The following SH3GL3 variants were observed in gnomAD, a reference collection of about 807,000 sequenced individuals.
SH3GL3 encodes endophilin-A3.
SH3GL3 carries 33 observed loss-of-function variants against 47.7 expected under a neutral mutation model. That is an observed-to-expected ratio of 0.69 (90% confidence interval 0.52 to 0.92). The LOEUF (loss-of-function observed/expected upper bound fraction) is 0.92, where lower values mean the gene tolerates loss of function less well. Ranked by LOEUF, SH3GL3 falls within the 40% of genes least tolerant of loss-of-function variation. SH3GL3 has a pLI of 0.00. For missense variants in SH3GL3, 363 were observed against 417.8 expected (o/e 0.87, Z 1.14); for synonymous variants, 155 against 148.8 (o/e 1.04, Z -0.30).
At chr15:83,468,991 C>T (rs1420690746) in intron 1 of SH3GL3, among the ~76,000 whole-genome samples, 2 of 152,074 alleles carry the variant, frequency 1.3e-5, no homozygotes, top group African/African-American at 2.4e-5. Flanking sequence ...TCAAATTACA[C>T]GTTTAATGTC....
intron 7 of SH3GL3, among the ~76,000 whole-genome samples, chr15:83,588,059 G>A (rs1040365981): frequency 5.9e-5 from 9 of 152,310 alleles, no homozygotes; most frequent in Middle Eastern, 3.4e-3. Context: ...TGCCGACCGC[G>A]TCCCAGGCAC....
At chr15:83,458,128 T>C (rs1273700668) in intron 1 of SH3GL3, among the ~76,000 whole-genome samples, 1 of 152,194 alleles carries the variant, frequency 6.6e-6, no homozygotes, top group Non-Finnish European at 1.5e-5. Flanking sequence ...TTCGGCTAAA[T>C]AGTGAACATA....
intron 1 of SH3GL3, among the ~76,000 whole-genome samples, chr15:83,537,721 C>T (rs923555078): frequency 3.9e-5 from 6 of 152,094 alleles, no homozygotes; most frequent in Admixed American, 1.3e-4. Context: ...CAACTTTTAT[C>T]TTGGGAGCAG....
chr15:83,489,868 T>C (rs1440813466), intron 1 of SH3GL3, among the ~76,000 whole-genome samples: 4 of 151,150 alleles, frequency 2.6e-5, no homozygotes, highest in African/African-American at 7.4e-5. Flanking sequence ...GATAGATAGA[T>C]AGATAGATAG....
At chr15:83,615,071 A>G (rs2060777809) in intron 8 of SH3GL3, among the ~76,000 whole-genome samples, 1 of 151,986 alleles carries the variant, frequency 6.6e-6, no homozygotes, top group Non-Finnish European at 1.5e-5. Context: ...ATAAAAATGG[A>G]AATCATCAAA....
At chr15:83,505,498 T>G (rs1255375678) in intron 1 of SH3GL3, among the ~76,000 whole-genome samples, 3 of 151,280 alleles carry the variant, frequency 2.0e-5, no homozygotes, top group Non-Finnish European at 2.9e-5. Context: ...CACTCTTTCA[T>G]TTATTGATTG....
At chr15:83,540,699 C>T (rs531584320) in intron 1 of SH3GL3, among the ~76,000 whole-genome samples, 2 of 151,998 alleles carry the variant, frequency 1.3e-5, no homozygotes, top group Admixed American at 1.3e-4. Flanking sequence ...TACAGGCATA[C>T]AATAAGTAAG....
chr15:83,620,920 T>G (rs1436999322), downstream of SH3GL3, among the ~76,000 whole-genome samples: 2 of 152,226 alleles, frequency 1.3e-5, no homozygotes, highest in Non-Finnish European at 1.5e-5. Flanking sequence ...CTTAGCTAGA[T>G]CTTCTGGATA....
rs1567228414 is a variant in SH3GL3 at position 83,448,481 on chromosome 15, T to TGTGTGTGTGTGTGTGTGTGTG, written c.45+903_45+904insGTGTGTGTGTGTGTGTGTGTG. 1.4e-5 allele frequency among the ~76,000 whole-genome samples: 2 copies of TGTGTGTGTGTGTGTGTGTGTG among 145,828 alleles called. No individual in the cohort carries two copies. Among genetic ancestry groups the TGTGTGTGTGTGTGTGTGTGTG allele is most frequent in the African/African-American group, 5.1e-5 (2 of 39,440 alleles). On this transcript the variant is annotated intron_variant, in intron 1 of 8. Coordinates refer to ENST00000427482, the MANE Select transcript of SH3GL3 (RefSeq NM_003027.5). The surrounding 1 kb of genome is among the most constrained non-coding windows in gnomAD (Gnocchi z 4.2). ...GTGTGTGTGTGTGTGTGTGTGTGTG[T>TGTGTGTGTGTGTGTGTGTGTG]TGATGACAAGCAAATTTGTTTTTCA...
intron 2 of SH3GL3, among the ~76,000 whole-genome samples, chr15:83,560,290 T>A (rs1290816939): frequency 6.6e-6 from 1 of 152,190 alleles, no homozygotes. Context: ...ACCTTGGCTC[T>A]GGCCAGCTCA....
intron 1 of SH3GL3, among the ~76,000 whole-genome samples, chr15:83,530,100 A>G (rs553025730): frequency 6.6e-6 from 1 of 152,098 alleles, no homozygotes; most frequent in African/African-American, 2.4e-5. Context: ...TGCTTCAGGG[A>G]TGTCGAGATG....
chr15:83,528,860 A>G (rs966237739), intron 1 of SH3GL3, among the ~76,000 whole-genome samples: 2 of 152,246 alleles, frequency 1.3e-5, no homozygotes, highest in Admixed American at 1.3e-4. Context: ...TGGAGGTGTC[A>G]TATTTCCTTG....
chr15:83,623,478 C>T (rs1269517871), downstream of SH3GL3, among the ~76,000 whole-genome samples: 3 of 152,196 alleles, frequency 2.0e-5, no homozygotes, highest in African/African-American at 7.2e-5. Context: ...GGTTTCATGG[C>T]GAAGGCAGAG....
intron 1 of SH3GL3, among the ~76,000 whole-genome samples, chr15:83,472,865 TG>T (rs1347772117): frequency 6.6e-6 from 1 of 152,144 alleles, no homozygotes; most frequent in South Asian, 2.1e-4. Flanking sequence ...GTAGGGGACA[TG>T]GGGGGCACTG....
rs547868607 is a variant in SH3GL3 at position 83,567,721 on chromosome 15, C to T, written c.188-808C>T. 2.6e-5 allele frequency among the ~76,000 whole-genome samples: 4 copies of T among 152,114 alleles called. No homozygotes were observed. The East Asian group carries it at 7.8e-4, about 30-fold the overall frequency. On this transcript the variant is annotated intron_variant, in intron 3 of 8. Transcript: ENST00000427482. ...AGCAGAGTGTGTGTGTGTGTGCGTGCGCGCGCATGTGGTGTGTGTTAATGA... is the reference window on the plus strand; with the variant it reads ...AGCAGAGTGTGTGTGTGTGTGCGTGTGCGCGCATGTGGTGTGTGTTAATGA...
chr15:83,542,588 C>A (rs901941620), intron 1 of SH3GL3, among the ~76,000 whole-genome samples: 1 of 152,134 alleles, frequency 6.6e-6, no homozygotes, highest in African/African-American at 2.4e-5. Flanking sequence ...AATATTGATT[C>A]TTCCAATCCA....
At chr15:83,496,565 G>A (rs1044772107) in intron 1 of SH3GL3, among the ~76,000 whole-genome samples, 4 of 151,942 alleles carry the variant, frequency 2.6e-5, no homozygotes, top group African/African-American at 9.7e-5. Flanking sequence ...CTTGTCTTTC[G>A]GGCTTAGGTG....
intron 1 of SH3GL3, among the ~76,000 whole-genome samples, chr15:83,507,977 C>CT (rs1278815173): frequency 1.3e-5 from 2 of 152,108 alleles, no homozygotes; most frequent in African/African-American, 4.8e-5. Context: ...GAGTCTTGCT[C>CT]TGTCACCAGG....
intron 8 of SH3GL3, among the ~76,000 whole-genome samples, chr15:83,614,842 A>T (rs1471704152): frequency 1.3e-5 from 2 of 151,456 alleles, no homozygotes; most frequent in Non-Finnish European, 1.5e-5. Context: ...CATTGCCCCA[A>T]CTCTTGTCTT....
Sources: allele counts gnomAD v4.1 joint callset (sites outside exome capture counted in the v4.1 genomes callset), GRCh38; gene constraint gnomAD v4.1.1; non-coding constraint Gnocchi (gnomAD v3.1); transcripts MANE v1.5; gene names NCBI Gene and HGNC (gene_info 2026-07-23, HGNC 2026-07-21).